Variants in CASP9 observed in about 807,000 individuals in gnomAD.
CASP9 encodes caspase-9.
A neutral mutation model predicts 43.5 loss-of-function variants in CASP9; 29 were observed. That is an observed-to-expected ratio of 0.67 (90% CI 0.50 to 0.91). The LOEUF (loss-of-function observed/expected upper bound fraction) is 0.91. CASP9 is among the 40% of genes least tolerant of loss of function. The probability of loss-of-function intolerance (pLI) is 0.00; values close to 1 mark genes in which losing one functional copy is unlikely to be tolerated. For missense variants in CASP9, 575 were observed against 537.4 expected (o/e 1.07, Z -0.69); for synonymous variants, 206 against 211.9 (o/e 0.97, Z 0.24).
At chr1:15,498,343 T>C (rs1165311781) in intron 6 of CASP9, among the ~76,000 whole-genome samples, 1 of 148,138 alleles carries the variant, frequency 6.8e-6, no homozygotes, top group African/African-American at 2.6e-5. Context: ...CCTCCCAAAG[T>C]GCTGGGATTA....
chr1:15,506,660 T>A (rs1709534745), intron 4 of CASP9, among the ~76,000 whole-genome samples: 1 of 152,138 alleles, frequency 6.6e-6, no homozygotes, highest in Admixed American at 6.5e-5. Context: ...TATTCCTGCT[T>A]TCCAGACAAG....
chr1:15,520,589 C>T (rs980731109), intron 1 of CASP9, among the ~76,000 whole-genome samples: 7 of 152,188 alleles, frequency 4.6e-5, no homozygotes, highest in South Asian at 2.1e-4. Context: ...GCATAAGGGC[C>T]GCTTGAGGGC....
intron 2 of CASP9, among the ~76,000 whole-genome samples, chr1:15,517,716 T>C (rs960666856): frequency 6.6e-6 from 1 of 152,050 alleles, no homozygotes; most frequent in African/African-American, 2.4e-5. Context: ...TGTCTGTTTG[T>C]ATGGGGCAGA....
chr1:15,493,496 A>G, intron 8 of CASP9: 1 of 1,323,952 alleles, frequency 7.6e-7, no homozygotes, highest in South Asian at 2.1e-5. Flanking sequence ...ATGTACAAGG[A>G]GGGGTTCACA....
intron 1 of CASP9, among the ~76,000 whole-genome samples, chr1:15,519,269 T>C (rs1360449032): frequency 1.3e-5 from 2 of 152,030 alleles, no homozygotes; most frequent in African/African-American, 2.4e-5. Flanking sequence ...AACCTCCACC[T>C]TTTGGGTACA....
intron 5 of CASP9, 21 bp downstream of exon 5, chr1:15,505,969 G>A (rs2103349069): frequency 6.3e-7 from 1 of 1,596,018 alleles, no homozygotes; most frequent in East Asian, 2.2e-5. Flanking sequence ...CCTGCCCAGG[G>A]AACAGTGGGA....
chr1:15,507,305 C>A (rs1474076654), intron 3 of CASP9, among the ~76,000 whole-genome samples: 4 of 152,152 alleles, frequency 2.6e-5, no homozygotes, highest in African/African-American at 7.2e-5. Flanking sequence ...AATCCAACAG[C>A]CATGAGCATT....
At chr1:15,503,266 C>T (rs1709396436) in intron 6 of CASP9, among the ~76,000 whole-genome samples, 1 of 151,754 alleles carries the variant, frequency 6.6e-6, no homozygotes, top group African/African-American at 2.4e-5. Context: ...TAGTGTGCAC[C>T]TGTAGCCCCA....
chr1:15,523,348 C>A (rs977002046), intron 1 of CASP9, among the ~76,000 whole-genome samples: 3 of 152,254 alleles, frequency 2.0e-5, no homozygotes, highest in South Asian at 4.1e-4. Context: ...AGCCCAGAAA[C>A]TGTGGCTCAA....
Position 15,507,909 on chromosome 1 carries a change from T to C in CASP9, c.419-2A>G. On this transcript the variant is annotated splice_acceptor_variant, in intron 2 of 8. Transcript: ENST00000333868. LOFTEE classifies it high-confidence loss of function. The stretch of plus-strand genomic sequence containing the variant: ...TTCCCCTCAAACTCTCAAGAGCACC[T>C]GAAGAGGCAGAGAAAGAGAGAAACA... 6.2e-7 allele frequency: 1 copy of C among 1,614,004 alleles called. No individual in the cohort carries two copies. The highest frequency in any genetic ancestry group is 8.5e-7 in the Non-Finnish European group (1 of 1,179,968).
At chr1:15,515,991 C>T (rs923641778) in intron 2 of CASP9, among the ~76,000 whole-genome samples, 4 of 152,052 alleles carry the variant, frequency 2.6e-5, no homozygotes, top group Non-Finnish European at 5.9e-5. Flanking sequence ...CACTTGAGGC[C>T]AGGAGTTCAA....
At chr1:15,519,022 A>G (rs7521899) in intron 1 of CASP9, among the ~76,000 whole-genome samples, 97,439 of 151,318 alleles carry the variant, frequency 0.64, 32,826 homozygotes, top group African/African-American at 0.85. Context: ...TTACAGGCAC[A>G]CACCACCATA....
rs139525345 is a variant in CASP9, at chr1:15,493,898, C to G, written c.1152G>C (p.Leu384=). 1.5e-4 allele frequency: 235 copies of G among 1,593,862 alleles called. No individual in the cohort carries two copies. The highest frequency in any genetic ancestry group is 2.0e-4 in the Non-Finnish European group (228 of 1,169,136). The part of the protein sequence containing the change: ...WAHSEDLQSL[L]LRVANAVSVK... ...AGAGGAAGGCAGCACTCACCCTAAG[C>G]AGGAGGGACTGCAGGTCTTCAGAGT... The change falls in exon 8 of 9, where the codon CTG becomes CTC. Residue 384 remains leucine, a synonymous_variant. Transcript: ENST00000333868.
At chr1:15,524,569 A>ATCCCCGCACAGACCTCACG, upstream of CASP9, 2 of 333,222 alleles carry the variant, frequency 6.0e-6, no homozygotes, top group Non-Finnish European at 7.6e-6. Flanking sequence ...CCCGCCCCGT[A>ATCCCCGCACAGACCTCACG]TCCCCGCACT....
At chr1:15,515,795 C>T (rs187873079) in intron 2 of CASP9, among the ~76,000 whole-genome samples, 35 of 152,172 alleles carry the variant, frequency 2.3e-4, no homozygotes, top group African/African-American at 7.0e-4. Flanking sequence ...GTGGCTCACA[C>T]CTGTAATTCC....
intron 6 of CASP9, among the ~76,000 whole-genome samples, chr1:15,496,741 A>G (rs1338964265): frequency 2.0e-5 from 3 of 152,230 alleles, no homozygotes; most frequent in East Asian, 1.9e-4. Flanking sequence ...TTGCTGAAAG[A>G]AAGAAGGCTG....
chr1:15,524,538 CACT>C, upstream of CASP9: 1 of 396,658 alleles, frequency 2.5e-6, no homozygotes, highest in Non-Finnish European at 3.5e-6. Flanking sequence ...CAGAATCCAC[CACT>C]GCGTCCCCGC....
intron 5 of CASP9, among the ~76,000 whole-genome samples, chr1:15,505,241 T>A (rs1162190669): frequency 6.6e-6 from 1 of 152,116 alleles, no homozygotes; most frequent in Non-Finnish European, 1.5e-5. Flanking sequence ...CTGGGCGGAC[T>A]TGGAATGAAG....
Position 15,504,604 on chromosome 1 carries a change from T to C in CASP9, c.868+7A>G. The C allele has an allele frequency of 6.2e-7, 1 of 1,608,820 alleles. No homozygotes were observed. The highest frequency in any genetic ancestry group is 1.1e-5 in the South Asian group (1 of 90,320). On this transcript the variant is annotated splice_region_variant and intron_variant, in intron 6 of 8. Coordinates refer to ENST00000333868, the MANE Select transcript of CASP9 (RefSeq NM_001229.5). ...CCCACCCAGAGGGAGGCTGAGGAGC[T>C]GCTTACCCCCACCACAGGCCTGGAT...
Sources: allele counts gnomAD v4.1 joint callset (sites outside exome capture counted in the v4.1 genomes callset), GRCh38; gene constraint gnomAD v4.1.1; transcripts MANE v1.5; gene names NCBI Gene and HGNC (gene_info 2026-07-23, HGNC 2026-07-21).